ZCCHC2: variants seen among roughly 807,000 people sequenced by gnomAD.
The protein encoded by ZCCHC2 is zinc finger CCHC domain-containing protein 2.
In ZCCHC2, 39 loss-of-function variants were observed where a neutral mutation model predicts 103.6. The observed-to-expected ratio is 0.38, with a 90% CI of 0.29 to 0.49. The LOEUF (loss-of-function observed/expected upper bound fraction) is 0.49, where lower values mean the gene tolerates loss of function less well. Ranked by LOEUF, ZCCHC2 falls within the 20% of genes least tolerant of loss-of-function variation. The pLI is 0.96. For missense variants in ZCCHC2, 1,483 were observed against 1,491.0 expected, an observed-to-expected ratio of 0.99 and a Z score of 0.09; for synonymous variants, 687 against 608.9, an observed-to-expected ratio of 1.13 and a Z score of -1.89.
At chr18:62,545,600 T>A (rs552954871) in intron 4 of ZCCHC2, among the ~76,000 whole-genome samples, 9 of 152,326 alleles carry the variant, frequency 5.9e-5, no homozygotes, top group African/African-American at 2.2e-4. Context: ...GAAAAGTGAA[T>A]AGTTAGAAAT....
chr18:62,575,289 C>G lies in ZCCHC2; in HGVS notation c.3208C>G (p.Gln1070Glu). 2 of 1,613,968 alleles carry G rather than the reference C, an allele frequency of 1.2e-6. No homozygotes were observed. Among genetic ancestry groups the G allele is most frequent in the Non-Finnish European group, 8.5e-7 (1 of 1,179,870 alleles). Residue 1070 changes from glutamine to glutamate, a missense_variant, in exon 13 of 14, where the codon CAA becomes GAA. By Grantham distance (29) the Gln-to-Glu change is conservative. Transcript: ENST00000269499. The stretch of plus-strand genomic sequence containing the variant: ...CCAAGCACATCAGAGCAATGGAAAC[C>G]AACTTCCTTTTTTTCTGCCTCAGAC... The part of the protein sequence containing the change: ...LNQAHQSNGN[Q>E]LPFFLPQTPY...
chr18:62,574,259 G>A lies in ZCCHC2; in HGVS notation c.2178G>A (p.Met726Ile). 1 of 1,614,042 alleles carries A rather than the reference G, an allele frequency of 6.2e-7. No individual in the cohort carries two copies. The highest frequency in any genetic ancestry group is 8.5e-7 in the Non-Finnish European group (1 of 1,179,898). The change falls in exon 13 of 14, where the codon ATG (methionine) becomes ATA (isoleucine). Residue 726 changes from methionine (M) to isoleucine (I), a missense_variant. Physicochemically the swap from Met to Ile is conservative, Grantham distance 10. This residue lies in a region of ZCCHC2 where 884 missense variants were observed against 907.5 expected (regional missense o/e 0.97). Transcript: ENST00000269499. ...ISFMPTLHCV[M>I]HNGAQKSEVV... Reference sequence around the variant, plus strand: ...TTATGCCAACGTTACACTGTGTCATGCACAATGGTGCCCAGAAGTCTGAAG... The same window carrying A: ...TTATGCCAACGTTACACTGTGTCATACACAATGGTGCCCAGAAGTCTGAAG...
Position 62,556,248 on chromosome 18 carries a change from A to G in ZCCHC2, c.1359A>G (p.Lys453=). The change falls in exon 6 of 14, where the codon AAA becomes AAG. Residue 453 remains lysine, a synonymous_variant. Transcript: ENST00000269499. The part of the protein sequence containing the change: ...SSSQAFLQSQ[K]VHSFFQSISS... Reference sequence around the variant, plus strand: ...CACAAGCTTTTCTACAAAGTCAGAAAGTACACAGCTTCTTTCAGTCCATAT... The same window carrying G: ...CACAAGCTTTTCTACAAAGTCAGAAGGTACACAGCTTCTTTCAGTCCATAT... 6.2e-7 allele frequency: 1 copy of G among 1,607,710 alleles called. No homozygotes were observed. The highest frequency in any genetic ancestry group is 2.2e-5 in the East Asian group (1 of 44,762).
chr18:62,531,728 C>CT (rs1220199849), intron 1 of ZCCHC2, among the ~76,000 whole-genome samples: 1 of 150,458 alleles, frequency 6.6e-6, no homozygotes, highest in Non-Finnish European at 1.5e-5. Flanking sequence ...AGAGGGATCG[C>CT]TTGAGCCCAG....
In ZCCHC2 at chr18:62,539,769, C is replaced by T; in HGVS notation, c.1028C>T (p.Ala343Val). ...APIPQDGLTV[A>V]PHRAQREAVH... ...ATACCTCAGGACGGACTTACCGTGG[C>T]ACCTCACAGAGCTCAGCGAGAAGGT... is the stretch of plus-strand genomic sequence containing the variant. Residue 343 changes from alanine (A) to valine (V), a missense_variant, in exon 2 of 14, where the codon GCA (alanine) becomes GTA (valine). Ala to Val is a moderately conservative substitution (Grantham distance 64, BLOSUM62 0). Coordinates refer to ENST00000269499, the MANE Select transcript of ZCCHC2 (RefSeq NM_017742.6). 6.2e-7 allele frequency: 1 copy of T among 1,608,112 alleles called. No individual in the cohort carries two copies. The highest frequency in any genetic ancestry group is 8.5e-7 in the Non-Finnish European group (1 of 1,177,148).
chr18:62,584,034 C>A (rs982744099), intron 14 of ZCCHC2, among the ~76,000 whole-genome samples: 3 of 152,128 alleles, frequency 2.0e-5, no homozygotes, highest in Non-Finnish European at 4.4e-5. Context: ...AGAATAACAT[C>A]ATATTTGATG....
At chr18:62,542,430 A>T in intron 2 of ZCCHC2, 68 bp from the exon 3 acceptor site, 1 of 1,258,410 alleles carries the variant, frequency 7.9e-7, no homozygotes, top group Non-Finnish European at 1.1e-6. Context: ...TTTTAGGGTT[A>T]CTTTAGGTAA....
intron 1 of ZCCHC2, among the ~76,000 whole-genome samples, chr18:62,531,355 T>G (rs1005197460): frequency 6.6e-6 from 1 of 152,230 alleles, no homozygotes; most frequent in Admixed American, 6.5e-5. Flanking sequence ...TCGGGAACAT[T>G]TGACCTTTAG....
intron 2 of ZCCHC2, 71 bp downstream of exon 2, chr18:62,539,863 T>G (rs1033922053): frequency 4.8e-6 from 6 of 1,256,630 alleles, no homozygotes; most frequent in Non-Finnish European, 6.8e-6. Flanking sequence ...TTACGCTGAT[T>G]AACTCTAAAC....
intron 2 of ZCCHC2, among the ~76,000 whole-genome samples, chr18:62,540,113 G>A (rs1343070967): frequency 6.6e-6 from 1 of 152,188 alleles, no homozygotes; most frequent in African/African-American, 2.4e-5. Flanking sequence ...TTTATTTGCA[G>A]AATTGAGCTC....
At chr18:62,566,510 T>C (rs1325708683) in intron 11 of ZCCHC2, among the ~76,000 whole-genome samples, 1 of 152,218 alleles carries the variant, frequency 6.6e-6, no homozygotes, top group African/African-American at 2.4e-5. Flanking sequence ...CTTCTCTTTC[T>C]AGTTCATTTT....
At position 62,574,973 on chromosome 18, in the gene ZCCHC2, C is replaced by T; in HGVS notation, c.2892C>T (p.His964=). 1 of 1,613,956 alleles carries T rather than the reference C, an allele frequency of 6.2e-7. No individual in the cohort carries two copies. Among genetic ancestry groups the T allele is most frequent in the Non-Finnish European group, 8.5e-7 (1 of 1,179,880 alleles). ...QATVPPAVPT[H]TPGPAPSPSP... is the part of the protein sequence containing the mutation. ...CTGTTCCTCCTGCAGTTCCTACCCA[C>T]ACCCCAGGCCCTGCCCCGAGCCCAA... Residue 964 remains histidine (H), a synonymous_variant, in exon 13 of 14, where the codon CAC becomes CAT. Coordinates refer to ENST00000269499, the MANE Select transcript of ZCCHC2 (RefSeq NM_017742.6).
intron 9 of ZCCHC2, among the ~76,000 whole-genome samples, chr18:62,563,765 TAGAATTC>T (rs1264081886): frequency 6.6e-6 from 1 of 152,234 alleles, no homozygotes; most frequent in Non-Finnish European, 1.5e-5. Context: ...TTGAAAGAAT[TAGAATTC>T]AGATTTCAAT....
exon 15 of ZCCHC2, chr18:62,585,554 A>G (rs1829594610): frequency 6.7e-6 from 1 of 148,382 alleles, no homozygotes; most frequent in South Asian, 2.2e-4. Context: ...GTCACGTCAT[A>G]TTTGTTACAT....
intron 5 of ZCCHC2, among the ~76,000 whole-genome samples, chr18:62,554,445 A>G (rs1261881946): frequency 6.6e-6 from 1 of 152,212 alleles, no homozygotes; most frequent in Non-Finnish European, 1.5e-5. Context: ...TTTCTCACTC[A>G]TTTGATTTAT....
At chr18:62,549,740 G>A (rs1399775606) in intron 4 of ZCCHC2, among the ~76,000 whole-genome samples, 2 of 152,150 alleles carry the variant, frequency 1.3e-5, no homozygotes, top group African/African-American at 2.4e-5. Flanking sequence ...GTGGTTTCTA[G>A]CACATTGCTC....
intron 7 of ZCCHC2, 32 bp from the exon 8 acceptor site, chr18:62,560,555 A>G: frequency 6.3e-7 from 1 of 1,592,910 alleles, no homozygotes; most frequent in Non-Finnish European, 8.6e-7. Context: ...TGCAGCATTT[A>G]GTGTAATAAG....
intron 9 of ZCCHC2, among the ~76,000 whole-genome samples, chr18:62,563,609 A>T (rs1173948468): frequency 1.3e-5 from 2 of 152,228 alleles, no homozygotes; most frequent in Non-Finnish European, 2.9e-5. Flanking sequence ...GTGAGCCATG[A>T]TCACACCACT....
In ZCCHC2 at chr18:62,523,313, C is replaced by A. The variant is rs983992389; in HGVS notation, c.-112C>A. 9 of 966,624 alleles carry A rather than the reference C, an allele frequency of 9.3e-6. No homozygotes were observed. The African/African-American group carries it at 1.2e-4, about 13-fold the overall frequency. The allele number at this position is 966,624 out of a possible 1,614,324, so 59.9% of individuals were successfully genotyped here. A position where few individuals can be genotyped will look rare whatever the true frequency, so the allele number is the denominator to read the frequency against. Reference sequence around the variant, plus strand: ...GCCCCCGGCCCCGGCCCTCCCCCGGCGGCATGGAGGGGCCCCGCTCCTGAC... The same window carrying A: ...GCCCCCGGCCCCGGCCCTCCCCCGGAGGCATGGAGGGGCCCCGCTCCTGAC... On this transcript the variant is annotated 5_prime_UTR_variant, in exon 1 of 14. Coordinates refer to ENST00000269499, the MANE Select transcript of ZCCHC2 (RefSeq NM_017742.6).
Sources: gnomAD v4.1 joint callset for allele counts (sites outside exome capture counted in the v4.1 genomes callset) on GRCh38, gnomAD v4.1.1 for gene constraint, gnomAD v4.1.1 regional missense constraint, MANE v1.5 for transcripts, NCBI Gene and HGNC (gene_info 2026-07-23, HGNC 2026-07-21) for gene names.